CCDC157: variants seen among roughly 807,000 people sequenced by gnomAD.
CCDC157 encodes coiled-coil domain-containing protein 157.
CCDC157 carries 60 observed loss-of-function variants against 70.9 expected under a neutral mutation model. The ratio of observed to expected loss-of-function variants is 0.85; its 90% CI spans 0.69 to 1.05. The LOEUF (loss-of-function observed/expected upper bound fraction) is 1.05, where lower values mean the gene tolerates loss of function less well. Ranked by LOEUF, CCDC157 falls within the 50% of genes least tolerant of loss-of-function variation. The pLI is 0.00. For synonymous variants in CCDC157, 373 were observed against 422.4 expected (o/e 0.88, Z 1.43); for missense variants, 943 against 984.2 (o/e 0.96, Z 0.56).
chr22:30,356,796 T>C (rs1228667000), upstream of CCDC157: 1 of 1,400,000 alleles, frequency 7.1e-7, no homozygotes. Context: ...CCGGCATGAC[T>C]GCGACGCTCA....
chr22:30,357,264 T>C (rs111862897), intron 1 of CCDC157, 132 bp downstream of exon 1: 2 of 154,650 alleles, frequency 1.3e-5, no homozygotes, highest in South Asian at 4.0e-4. Flanking sequence ...GGTCTCTCAT[T>C]TAGGAGAGCC....
At chr22:30,370,175 C>A (rs187975292) in intron 4 of CCDC157, 151 bp from the exon 5 acceptor site, 3 of 873,948 alleles carry the variant, frequency 3.4e-6, no homozygotes, top group African/African-American at 1.7e-5. Flanking sequence ...GGAGAAAGTT[C>A]TCTCTTATTC....
At position 30,357,136 on chromosome 22, in the gene CCDC157, A is replaced by AGT; in HGVS notation, c.-166+5_-166+6insTG. 4.1e-6 allele frequency: 1 copy of AGT among 246,896 alleles called. No individual in the cohort carries two copies. The highest frequency in any genetic ancestry group is 7.4e-5 in the East Asian group (1 of 13,546). 15.3% of individuals were successfully genotyped at this position (246,896 alleles called of 1,614,324 possible). On this transcript the variant is annotated splice_donor_region_variant and intron_variant, in intron 1 of 11. Coordinates refer to ENST00000338306, the MANE Select transcript of CCDC157 (RefSeq NM_001017437.5). ...GAAGCCGCGACGCCGAAGACAGGTG[A>AGT]GATGTTGTACGTCACCCGCCGGACC... is the stretch of plus-strand genomic sequence containing the variant.
intron 5 of CCDC157, chr22:30,371,347 A>C: frequency 1.9e-6 from 1 of 513,080 alleles, no homozygotes; most frequent in Non-Finnish European, 3.5e-6. Flanking sequence ...CTGGCACCAG[A>C]AGATGGCCAG....
At chr22:30,361,270 AAAG>A (rs1326992821) in intron 1 of CCDC157, among the ~76,000 whole-genome samples, 6 of 151,434 alleles carry the variant, frequency 4.0e-5, no homozygotes, top group Admixed American at 6.6e-5. Flanking sequence ...AAAAAAGAAA[AAAG>A]GTATGATCTA....
At chr22:30,375,332 G>A (rs1254553088) in intron 9 of CCDC157, 147 bp from the exon 10 acceptor site, 1 of 691,868 alleles carries the variant, frequency 1.4e-6, no homozygotes, top group African/African-American at 1.8e-5. Flanking sequence ...TTCCCTGCAG[G>A]TTGGGGGACA....
At chr22:30,367,821 C>T (rs1333305974) in intron 3 of CCDC157, among the ~76,000 whole-genome samples, 2 of 152,072 alleles carry the variant, frequency 1.3e-5, no homozygotes, top group Admixed American at 6.5e-5. Context: ...CCGAGGTGGG[C>T]GGATCACCTG....
Position 30,371,682 on chromosome 22 carries a change from C to G in CCDC157, c.1078C>G (p.Leu360Val). 1 of 1,614,160 alleles carries G rather than the reference C, an allele frequency of 6.2e-7. No homozygotes were observed. Among genetic ancestry groups the G allele is most frequent in the Non-Finnish European group, 8.5e-7 (1 of 1,180,008 alleles). ...TGACCTAAAGACAAAGATGGCCACC[C>G]TGGAGAGAGAACTGAAACAGCAGCG... Reference protein sequence around the residue: ...TSDLKTKMATLERELKQQRES... With the variant: ...TSDLKTKMATVERELKQQRES... The change falls in exon 6 of 12, where the codon CTG becomes GTG. Residue 360 changes from leucine (L) to valine (V), a missense_variant. Transcript: ENST00000338306.
chr22:30,369,929 A>G (rs1317464077), intron 4 of CCDC157: 2 of 461,910 alleles, frequency 4.3e-6, no homozygotes, highest in Non-Finnish European at 7.7e-6. Context: ...TAATCCACAC[A>G]ACCACCCACT....
In CCDC157 at chr22:30,375,332, G is replaced by GT. The variant is rs1402204868; in HGVS notation, c.1673-145dup. 4.2e-5 allele frequency: 29 copies of GT among 691,986 alleles called. No individual in the cohort carries two copies. The East Asian group carries it at 6.8e-4, about 16-fold the overall frequency. The allele number at this position is 691,986 out of a possible 1,614,324, so 42.9% of individuals were successfully genotyped here. A position where few individuals can be genotyped will look rare whatever the true frequency, so the allele number is the denominator to read the frequency against. On this transcript the variant is annotated intron_variant, in intron 9 of 11. Coordinates refer to ENST00000338306, the MANE Select transcript of CCDC157 (RefSeq NM_001017437.5). ...AATACTATGGTCATCTTCCCTGCAG[G>GT]TTGGGGGACAGGGAAGGGGGAATAA...
chr22:30,375,826 A>T, intron 10 of CCDC157, 163 bp downstream of exon 10: 1 of 648,164 alleles, frequency 1.5e-6, no homozygotes, highest in Non-Finnish European at 2.6e-6. Context: ...AGGCGTGAGG[A>T]TGTTATGGAT....
chr22:30,374,796 C>T (rs1569194193), intron 9 of CCDC157: 1 of 453,948 alleles, frequency 2.2e-6, no homozygotes, highest in Non-Finnish European at 4.4e-6. Flanking sequence ...AGGAAGCATC[C>T]ATCACAAAAG....
At chr22:30,371,880 T>C (rs1279896507) in intron 6 of CCDC157, 153 bp downstream of exon 6, 2 of 776,356 alleles carry the variant, frequency 2.6e-6, no homozygotes, top group East Asian at 2.7e-5. Flanking sequence ...CTATTGGCGA[T>C]GACCAAACTG....
At position 30,370,587 on chromosome 22, in the gene CCDC157, C is replaced by T. The variant is rs1601735209; in HGVS notation, c.682C>T (p.Gln228Ter). 2 of 1,614,022 alleles carry T rather than the reference C, an allele frequency of 1.2e-6. No homozygotes were observed. Among genetic ancestry groups the T allele is most frequent in the Non-Finnish European group, 1.7e-6 (2 of 1,180,040 alleles). ...LVPCDACASVQGSLQKVGKVV... is the reference protein window; with the variant it reads ...LVPCDACASV ...GCCCTGTGACGCATGCGCCAGCGTC[C>T]AGGGAAGCCTGCAGAAGGTGGGCAA... The change falls in exon 5 of 12, where the codon CAG (glutamine) becomes TAG (stop). Residue 228 changes from glutamine to a stop codon, truncating the protein, a stop_gained. Coordinates refer to ENST00000338306, the MANE Select transcript of CCDC157 (RefSeq NM_001017437.5). LOFTEE classifies it high-confidence loss of function.
At position 30,373,929 on chromosome 22, in the gene CCDC157, C is replaced by T. The variant is rs779532798; in HGVS notation, c.1510C>T (p.Leu504=). 1 of 1,609,302 alleles carries T rather than the reference C, an allele frequency of 6.2e-7. No homozygotes were observed. Among genetic ancestry groups the T allele is most frequent in the South Asian group, 1.1e-5 (1 of 89,944 alleles). ...QCQLRAQQEL[L]QSLQREKQGL... ...GAGCCTCCGTCTGTCCCAGGAGCTG[C>T]TGCAGAGCCTGCAGAGGGAGAAGCA... Residue 504 remains leucine (L), a synonymous_variant, in exon 9 of 12, where the codon CTG becomes TTG. Transcript: ENST00000338306.
At chr22:30,370,077 A>G (rs949546600) in intron 4 of CCDC157, 102 of 586,024 alleles carry the variant, frequency 1.7e-4, no homozygotes, top group Admixed American at 3.0e-4. Flanking sequence ...TCCCAACACC[A>G]TGCATACAAT....
intron 10 of CCDC157, 92 bp downstream of exon 10, chr22:30,375,755 C>A: frequency 9.0e-7 from 1 of 1,110,462 alleles, no homozygotes; most frequent in Non-Finnish European, 1.3e-6. Flanking sequence ...TTGTGGAGAG[C>A]CCACCTCATC....
chr22:30,374,859 C>T (rs2034989117), intron 9 of CCDC157: 6 of 418,318 alleles, frequency 1.4e-5, no homozygotes, highest in Admixed American at 2.5e-5. Context: ...TTGAGCTGGC[C>T]GTGTGACCTT....
chr22:30,367,862 C>T (rs549376580), intron 3 of CCDC157, among the ~76,000 whole-genome samples: 2 of 152,226 alleles, frequency 1.3e-5, no homozygotes, highest in East Asian at 1.9e-4. Context: ...GCCTGGCCAA[C>T]GAACAGGGTG....
Sources: allele counts gnomAD v4.1 joint callset (sites outside exome capture counted in the v4.1 genomes callset), GRCh38; gene constraint gnomAD v4.1.1; transcripts MANE v1.5; gene names NCBI Gene and HGNC (gene_info 2026-07-23, HGNC 2026-07-21).